OR14A2: variants seen among roughly 807,000 people sequenced by gnomAD.
OR14A2 encodes olfactory receptor 14A2.
For synonymous variants in OR14A2, 114 were observed against 58.6 expected, an observed-to-expected ratio of 1.95 and a Z score of -4.32; for missense variants, 237 against 152.9, an observed-to-expected ratio of 1.55 and a Z score of -2.90.
At chr1:247,747,711 G>A in the OR14A2 span, among the ~76,000 whole-genome samples, 1 of 152,140 alleles carries the variant, frequency 6.6e-6, no homozygotes, top group East Asian at 1.9e-4. Context: ...TTTGGTCTCA[G>A]TATTTACGTA....
the OR14A2 span, among the ~76,000 whole-genome samples, chr1:247,730,058 T>G: frequency 1.3e-5 from 2 of 152,096 alleles, no homozygotes; most frequent in African/African-American, 4.8e-5. Flanking sequence ...TTACTATATG[T>G]TTTGGTATTT....
the OR14A2 span, among the ~76,000 whole-genome samples, chr1:247,731,161 T>G: frequency 6.6e-6 from 1 of 152,072 alleles, no homozygotes; most frequent in Non-Finnish European, 1.5e-5. Context: ...AACAAATTCC[T>G]CTTAGGCTTT....
chr1:247,739,597 G>T, the OR14A2 span: 2 of 731,234 alleles, frequency 2.7e-6, no homozygotes, highest in Non-Finnish European at 5.0e-6. Context: ...TTTTGTTGTT[G>T]TTGTTCTGCC....
At chr1:247,723,732 G>A in exon 1 of OR14A2, 2 of 718,378 alleles carry the variant, frequency 2.8e-6, no homozygotes, top group South Asian at 1.5e-5. Context: ...CTGCTGAGAA[G>A]GAAGTCATTA....
At chr1:247,739,545 GT>G in the OR14A2 span, 2 of 774,788 alleles carry the variant, frequency 2.6e-6, no homozygotes, top group Non-Finnish European at 4.8e-6. Flanking sequence ...AAGCAGTGGG[GT>G]AATGAAAAGA....
the OR14A2 span, among the ~76,000 whole-genome samples, chr1:247,729,082 T>C: frequency 6.6e-6 from 1 of 152,118 alleles, no homozygotes; most frequent in African/African-American, 2.4e-5. Context: ...TTGACATAAT[T>C]TGTAAACGTC....
the OR14A2 span, among the ~76,000 whole-genome samples, chr1:247,744,675 A>G: frequency 6.6e-6 from 1 of 152,176 alleles, no homozygotes; most frequent in Non-Finnish European, 1.5e-5. This position sits in a 1 kb window ranked among gnomAD's most constrained non-coding sequence, Gnocchi z 4.3. Context: ...CTTGATGGAT[A>G]TGCCAAAAAT....
chr1:247,739,114 A>G, the OR14A2 span: 2 of 780,578 alleles, frequency 2.6e-6, no homozygotes, highest in African/African-American at 1.7e-5. Context: ...CTGAATTTTT[A>G]TGGCTCTGAT....
At chr1:247,724,150 A>T (rs745886316), upstream of OR14A2, 3 of 560,940 alleles carry the variant, frequency 5.3e-6, no homozygotes, top group African/African-American at 1.9e-5. Context: ...AGTCATATTG[A>T]TATACAAAAA....
At chr1:247,731,025 A>G in the OR14A2 span, among the ~76,000 whole-genome samples, 2 of 152,274 alleles carry the variant, frequency 1.3e-5, no homozygotes, top group Middle Eastern at 6.8e-3. Context: ...AAAATTAACT[A>G]TCATAGCCCA....
At chr1:247,745,967 C>G in the OR14A2 span, among the ~76,000 whole-genome samples, 1 of 152,138 alleles carries the variant, frequency 6.6e-6, no homozygotes, top group Admixed American at 6.5e-5. Flanking sequence ...GGGTTCTACT[C>G]CCAGGATATT....
chr1:247,724,941 A>G (rs1238985570), upstream of OR14A2, among the ~76,000 whole-genome samples: 2 of 152,018 alleles, frequency 1.3e-5, no homozygotes, highest in Non-Finnish European at 2.9e-5. Flanking sequence ...ACTGATGTAG[A>G]GTTATTTATT....
chr1:247,737,684 T>C, the OR14A2 span, among the ~76,000 whole-genome samples: 3 of 152,212 alleles, frequency 2.0e-5, no homozygotes, highest in South Asian at 4.1e-4. Context: ...AAAATTGCCA[T>C]TGAAGTGATA....
chr1:247,723,671 A>G, exon 1 of OR14A2: 1 of 718,762 alleles, frequency 1.4e-6, no homozygotes, highest in South Asian at 1.5e-5. Context: ...AGGGGACAGC[A>G]GATGGCTACA....
At chr1:247,735,213 A>G in the OR14A2 span, among the ~76,000 whole-genome samples, 1 of 152,158 alleles carries the variant, frequency 6.6e-6, no homozygotes, top group Non-Finnish European at 1.5e-5. Flanking sequence ...GAGAGGAGAA[A>G]AGAAAGATCC....
At chr1:247,727,147 G>T (rs1293670743), upstream of OR14A2, among the ~76,000 whole-genome samples, 1 of 149,302 alleles carries the variant, frequency 6.7e-6, no homozygotes, top group Non-Finnish European at 1.5e-5. Flanking sequence ...TCACGATATT[G>T]ATTCTTCCTA....
chr1:247,746,874 G>C, the OR14A2 span: 1 of 152,078 alleles, frequency 6.6e-6, no homozygotes, highest in Non-Finnish European at 1.5e-5. Flanking sequence ...ACAACAACTT[G>C]TTGTTATTGA....
At chr1:247,725,398 GA>G (rs1325349592), upstream of OR14A2, among the ~76,000 whole-genome samples, 1 of 152,086 alleles carries the variant, frequency 6.6e-6, no homozygotes, top group East Asian at 1.9e-4. Context: ...GGTCAGTCTG[GA>G]GAAATACACA....
chr1:247,739,635 A>G, the OR14A2 span: 7 of 639,714 alleles, frequency 1.1e-5, no homozygotes, highest in African/African-American at 1.8e-5. Context: ...AATTATCTCT[A>G]TTTTGGGATA....
Sources: allele counts gnomAD v4.1 joint callset (sites outside exome capture counted in the v4.1 genomes callset), GRCh38; gene constraint gnomAD v4.1.1; non-coding constraint Gnocchi (gnomAD v3.1); transcripts MANE v1.5; gene names NCBI Gene and HGNC (gene_info 2026-07-23, HGNC 2026-07-21).